Variants in AMPH observed in about 807,000 individuals in gnomAD.
AMPH encodes amphiphysin.
Under a neutral mutation model 99.1 loss-of-function variants are expected in AMPH, and 49 were observed. The ratio of observed to expected loss-of-function variants is 0.49; its 90% CI spans 0.39 to 0.63. The LOEUF is 0.63. Ranked by LOEUF, AMPH falls within the 20% of genes least tolerant of loss-of-function variation. The pLI, the probability that AMPH is intolerant of heterozygous loss-of-function variation, is 0.00. For missense variants in AMPH, 759 were observed against 863.4 expected (o/e 0.88, Z 1.52); for synonymous variants, 314 against 317.3 (o/e 0.99, Z 0.11).
intron 12 of AMPH, among the ~76,000 whole-genome samples, chr7:38,435,305 T>G (rs1584087787): frequency 6.6e-6 from 1 of 152,210 alleles, no homozygotes; most frequent in Admixed American, 6.5e-5. Flanking sequence ...ATAATCCTTA[T>G]TTATTAAGGT....
chr7:38,533,161 T>A (rs1303590548), intron 2 of AMPH, among the ~76,000 whole-genome samples: 3 of 152,160 alleles, frequency 2.0e-5, no homozygotes, highest in Non-Finnish European at 4.4e-5. Flanking sequence ...AATCACCAAA[T>A]GAGAACAGAA....
chr7:38,504,976 C>A (rs2129027931), intron 2 of AMPH, among the ~76,000 whole-genome samples: 2 of 152,260 alleles, frequency 1.3e-5, no homozygotes, highest in East Asian at 3.9e-4. Context: ...TAGCCATGTT[C>A]AATTTAACAA....
Position 38,552,682 on chromosome 7 carries a change from C to T in AMPH, c.70-17671G>A, listed in dbSNP as rs557858744. Among the ~76,000 whole-genome samples the T allele has an allele frequency of 5.3e-5, 8 of 152,270 alleles. No homozygotes were observed. In the East Asian group the frequency reaches 1.5e-3, roughly 29 times the overall value. On this transcript the variant is annotated intron_variant, in intron 1 of 20. Transcript: ENST00000356264. ...GTTACTGGGATGCACACATCAGCAC[C>T]ATTAATTTCCCTATGTAAATAATTC...
chr7:38,593,893 G>A (rs73694931), intron 1 of AMPH, among the ~76,000 whole-genome samples: 16,697 of 152,216 alleles, frequency 0.11, 1,304 homozygotes, highest in African/African-American at 0.21. Flanking sequence ...CAAAGCTGGC[G>A]GGAGGGTGGT....
rs753314715 is a variant in AMPH, at chr7:38,461,396, G to T, written c.904C>A (p.Pro302Thr). 2.5e-6 allele frequency: 4 copies of T among 1,614,020 alleles called. No homozygotes were observed. The highest frequency in any genetic ancestry group is 3.4e-6 in the Non-Finnish European group (4 of 1,179,984). ...RSPSQTRKGP[P>T]VPPLPKVTPT... ...GTGACTTTAGGTAGAGGTGGGACAG[G>T]AGGCCCTTTCCTTGTCTAGGAAGCA... Residue 302 changes from proline (P) to threonine (T), a missense_variant, in exon 11 of 21, where the codon CCT becomes ACT. Around this residue, in one of 2 missense-constraint regions of AMPH, gnomAD observed 554 missense variants for 575.6 expected, o/e 0.96. Transcript: ENST00000356264.
chr7:38,487,873 A>T (rs148222363), intron 5 of AMPH, among the ~76,000 whole-genome samples: 2,885 of 152,354 alleles, frequency 0.019, 109 homozygotes, highest in African/African-American at 0.066. Flanking sequence ...GGCTATGAAC[A>T]GACACTTCTC....
rs1784498324 is a variant in AMPH, at chr7:38,391,668, A to G, written c.1878+80T>C. On this transcript the variant is annotated intron_variant, in intron 19 of 20. Coordinates refer to ENST00000356264, the MANE Select transcript of AMPH (RefSeq NM_001635.4). ...AATAATAATTGCAAAAAGTAAAAGT[A>G]AAAACTGGAAAACCAAAGGCTTGAG... The G allele has an allele frequency of 2.9e-5, 42 of 1,463,316 alleles. 1 individual carries two copies. In the South Asian group the frequency reaches 5.4e-4, roughly 19 times the overall value. 90.6% of individuals were successfully genotyped at this position (1,463,316 alleles called of 1,614,324 possible).
intron 1 of AMPH, among the ~76,000 whole-genome samples, chr7:38,593,935 T>C (rs1792953185): frequency 6.6e-6 from 1 of 152,106 alleles, no homozygotes; most frequent in Admixed American, 6.5e-5. Context: ...AACAAGCAGC[T>C]AGGTGATGAG....
intron 17 of AMPH, among the ~76,000 whole-genome samples, chr7:38,395,138 A>G (rs1043357464): frequency 1.3e-4 from 20 of 152,196 alleles, no homozygotes; most frequent in Non-Finnish European, 5.9e-5. Flanking sequence ...CTCATCACAC[A>G]AAGTCAAAAT....
At chr7:38,534,077 C>CT (rs562947293) in intron 2 of AMPH, among the ~76,000 whole-genome samples, 4 of 151,964 alleles carry the variant, frequency 2.6e-5, no homozygotes, top group Admixed American at 6.5e-5. Flanking sequence ...TCTTTTAAGA[C>CT]TTTTTTTTCT....
At chr7:38,493,047 G>A (rs1290638923) in intron 4 of AMPH, among the ~76,000 whole-genome samples, 1 of 152,178 alleles carries the variant, frequency 6.6e-6, no homozygotes, top group Non-Finnish European at 1.5e-5. Flanking sequence ...AGATGTAAAG[G>A]AGCCAACAAA....
intron 1 of AMPH, among the ~76,000 whole-genome samples, chr7:38,574,296 G>A (rs562152442): frequency 2.0e-4 from 30 of 152,284 alleles, no homozygotes; most frequent in African/African-American, 7.2e-4. Context: ...AGACAACTGA[G>A]AGGTGATTTA....
intron 1 of AMPH, among the ~76,000 whole-genome samples, chr7:38,542,797 A>C (rs909776087): frequency 5.3e-5 from 8 of 152,050 alleles, no homozygotes; most frequent in Admixed American, 6.6e-5. Flanking sequence ...CTCTACAAAA[A>C]TTAAAAAAGA....
intron 1 of AMPH, among the ~76,000 whole-genome samples, chr7:38,606,730 T>A (rs55669061): frequency 0.072 from 10,985 of 151,858 alleles, 659 homozygotes; most frequent in African/African-American, 0.14. Flanking sequence ...ATGCCACCAC[T>A]CCTGGCTAAT....
At chr7:38,533,234 G>T (rs911554187) in intron 2 of AMPH, among the ~76,000 whole-genome samples, 2 of 152,172 alleles carry the variant, frequency 1.3e-5, no homozygotes, top group Non-Finnish European at 2.9e-5. Flanking sequence ...GTGGGCCCAA[G>T]TCCAACATTT....
At chr7:38,589,081 T>C (rs892780122) in intron 1 of AMPH, among the ~76,000 whole-genome samples, 9 of 152,160 alleles carry the variant, frequency 5.9e-5, no homozygotes, top group African/African-American at 2.2e-4. Flanking sequence ...GAATAGAAAA[T>C]ACCATATTCC....
chr7:38,621,022 G>A (rs928122755), intron 1 of AMPH, among the ~76,000 whole-genome samples: 2 of 152,184 alleles, frequency 1.3e-5, no homozygotes, highest in African/African-American at 4.8e-5. Flanking sequence ...TAAGGCCAGT[G>A]TCTGCAGTCA....
rs767445012 is a variant in AMPH, at chr7:38,422,505, TG to T, written c.1216-29del. On this transcript the variant is annotated intron_variant, in intron 15 of 20. Coordinates refer to ENST00000356264, the MANE Select transcript of AMPH (RefSeq NM_001635.4). ...GAAAATCAAGGATAAAAATAGAAGA[TG>T]TTTTTTAAAGATATTTAAATCAGCT... The T allele has an allele frequency of 3.8e-6, 6 of 1,584,326 alleles. No homozygotes were observed. In the South Asian group the frequency reaches 5.5e-5, roughly 15 times the overall value.
At position 38,434,004 on chromosome 7, in the gene AMPH, G is replaced by A. The variant is rs148009213; in HGVS notation, c.1135-1792C>T. ...TTTGAGTGAAGAGGAAAGAAACCAG[G>A]CAGACCTAACAGTGCTATGCTTTTT... On this transcript the variant is annotated intron_variant, in intron 12 of 20. Transcript: ENST00000356264. 1.9e-3 allele frequency among the ~76,000 whole-genome samples: 290 copies of A among 152,182 alleles called. 1 individual carries two copies. Among genetic ancestry groups the A allele is most frequent in the African/African-American group, 6.8e-3 (283 of 41,512 alleles).
Sources: gnomAD v4.1 joint callset for allele counts (sites outside exome capture counted in the v4.1 genomes callset) on GRCh38, gnomAD v4.1.1 for gene constraint, gnomAD v4.1.1 regional missense constraint, MANE v1.5 for transcripts, NCBI Gene and HGNC (gene_info 2026-07-23, HGNC 2026-07-21) for gene names.